The following VWA5A variants were observed in gnomAD, a reference collection of about 807,000 sequenced individuals.
VWA5A encodes the protein von Willebrand factor A domain-containing protein 5A.
In VWA5A, 77 loss-of-function variants were observed where a neutral mutation model predicts 84.6. That is an observed-to-expected ratio of 0.91 (90% CI 0.76 to 1.10). The LOEUF (loss-of-function observed/expected upper bound fraction) is 1.10. VWA5A is among the 50% of genes least tolerant of loss of function. VWA5A has a pLI of 0.00. For missense variants in VWA5A, 973 were observed against 963.0 expected, an observed-to-expected ratio of 1.01 and a Z score of -0.14; for synonymous variants, 334 against 350.1, an observed-to-expected ratio of 0.95 and a Z score of 0.51.
chr11:124,143,579 A>G (rs543914238), intron 17 of VWA5A, among the ~76,000 whole-genome samples: 22 of 152,348 alleles, frequency 1.4e-4, no homozygotes, highest in Admixed American at 3.9e-4. Flanking sequence ...AATTATTTTT[A>G]TATTGATTGC....
chr11:124,119,741 T>C (rs1375053761), intron 7 of VWA5A, among the ~76,000 whole-genome samples: 3 of 152,190 alleles, frequency 2.0e-5, no homozygotes, highest in African/African-American at 2.4e-5. Context: ...ATAGTGTATA[T>C]TGACAGATTG....
intron 15 of VWA5A, among the ~76,000 whole-genome samples, chr11:124,141,379 T>A (rs984203805): frequency 2.0e-5 from 3 of 151,780 alleles, no homozygotes; most frequent in Non-Finnish European, 4.4e-5. Context: ...GCAGGAAAAA[T>A]TGTTTAGCAT....
At chr11:124,139,258 T>TGTG (rs1167473133) in intron 15 of VWA5A, among the ~76,000 whole-genome samples, 2 of 151,480 alleles carry the variant, frequency 1.3e-5, no homozygotes, top group Non-Finnish European at 2.9e-5. Flanking sequence ...TGTGTGTGTG[T>TGTG]TTTCTCAAGG....
rs560301306 is a variant in VWA5A, at chr11:124,146,040, C to A, written c.*95C>A. The stretch of plus-strand genomic sequence containing the variant: ...GATGATGTGTTCTTGTGTATTATAA[C>A]TCTTTATTTTTTGCCATAAAAGTAA... On this transcript the variant is annotated 3_prime_UTR_variant, in exon 19 of 19. Transcript: ENST00000456829. The A allele has an allele frequency of 2.9e-5, 38 of 1,302,042 alleles. No individual in the cohort carries two copies. In the African/African-American group the frequency reaches 5.4e-4, roughly 19 times the overall value. The allele number at this position is 1,302,042 out of a possible 1,614,324, so 80.7% of individuals were successfully genotyped here. A position where few individuals can be genotyped will look rare whatever the true frequency, so the allele number is the denominator to read the frequency against.
chr11:124,143,487 A>G (rs192449392), intron 17 of VWA5A, among the ~76,000 whole-genome samples: 1 of 152,334 alleles, frequency 6.6e-6, no homozygotes, highest in Admixed American at 6.5e-5. Context: ...CTGAATTTTT[A>G]ATTCAATAGA....
intron 15 of VWA5A, among the ~76,000 whole-genome samples, chr11:124,139,654 T>G (rs552330533): frequency 6.6e-6 from 1 of 152,136 alleles, no homozygotes; most frequent in Non-Finnish European, 1.5e-5. Flanking sequence ...GTCCTTCAAC[T>G]TTGCTGAGTT....
At chr11:124,137,573 G>C (rs192239335) in intron 15 of VWA5A, among the ~76,000 whole-genome samples, 2 of 152,160 alleles carry the variant, frequency 1.3e-5, no homozygotes, top group Admixed American at 6.5e-5. Context: ...TTTTTATTGA[G>C]ATATAATTCA....
chr11:124,125,068 G>A (rs1015626029), intron 11 of VWA5A, among the ~76,000 whole-genome samples: 7 of 152,116 alleles, frequency 4.6e-5, no homozygotes, highest in African/African-American at 1.2e-4. Context: ...TTGCACACAC[G>A]TGTATATGCA....
chr11:124,140,077 G>A (rs1013178658), intron 15 of VWA5A, among the ~76,000 whole-genome samples: 10 of 151,948 alleles, frequency 6.6e-5, no homozygotes, highest in Non-Finnish European at 1.3e-4. Context: ...TTATGTTAGC[G>A]TGATCCATGT....
Position 124,137,028 on chromosome 11 carries a change from C to T in VWA5A, c.1639C>T (p.Arg547Cys), listed in dbSNP as rs767904905. 1.1e-5 allele frequency: 18 copies of T among 1,612,552 alleles called. No individual in the cohort carries two copies. The highest frequency in any genetic ancestry group is 9.9e-5 in the South Asian group (9 of 90,896). The change falls in exon 15 of 19, where the codon CGC (arginine) becomes TGC (cysteine). Residue 547 changes from arginine to cysteine, a missense_variant. Transcript: ENST00000456829. The stretch of plus-strand genomic sequence containing the variant: ...TTTTCCTTTCAGCCTCACCATTCAC[C>T]GCCTTGCTGCCAAGTCCTTGCTCCA... ...PKPDVNLTIH[R>C]LAAKSLLQTK... is the part of the protein sequence containing the mutation.
intron 4 of VWA5A, 31 bp downstream of exon 4, chr11:124,117,906 A>G (rs1047162439): frequency 3.7e-6 from 6 of 1,609,542 alleles, no homozygotes; most frequent in South Asian, 1.1e-5. Flanking sequence ...CCTTCTTATT[A>G]CATTACCTCC....
chr11:124,124,140 C>T, intron 10 of VWA5A, 97 bp from the exon 11 acceptor site: 2 of 1,156,920 alleles, frequency 1.7e-6, no homozygotes, highest in South Asian at 2.7e-5. Context: ...GGCACCAGAG[C>T]CTCTGCAATG....
chr11:124,126,845 G>A (rs1393182283), intron 11 of VWA5A, among the ~76,000 whole-genome samples: 1 of 151,826 alleles, frequency 6.6e-6, no homozygotes, highest in East Asian at 1.9e-4. Flanking sequence ...TTTCAGCTAT[G>A]TTTTTTGTCT....
intron 2 of VWA5A, among the ~76,000 whole-genome samples, chr11:124,116,881 A>T (rs1465347347): frequency 6.6e-6 from 1 of 152,232 alleles, no homozygotes; most frequent in Non-Finnish European, 1.5e-5. Context: ...GTCCCAAAAG[A>T]AAAGCCACAA....
At position 124,146,514 on chromosome 11, in the gene VWA5A, T is replaced by C. The variant is rs923045447; in HGVS notation, c.*569T>C. Reference sequence around the variant, plus strand: ...TGGGGACCTTCCTGATTCATTCTTCTTGGGCTTTGCTAGCCTGTACAACCT... The same window carrying C: ...TGGGGACCTTCCTGATTCATTCTTCCTGGGCTTTGCTAGCCTGTACAACCT... On this transcript the variant is annotated 3_prime_UTR_variant, in exon 19 of 19. Transcript: ENST00000456829. 6.5e-6 allele frequency: 1 copy of C among 152,800 alleles called. No individual in the cohort carries two copies. The highest frequency in any genetic ancestry group is 2.4e-5 in the African/African-American group (1 of 41,468). The allele number at this position is 152,800 out of a possible 1,614,324, so 9.5% of individuals were successfully genotyped here.
In VWA5A at chr11:124,136,996, T is replaced by C; in HGVS notation, c.1626-19T>C. 2 of 1,308,290 alleles carry C rather than the reference T, an allele frequency of 1.5e-6. No individual in the cohort carries two copies. The highest frequency in any genetic ancestry group is 2.1e-6 in the Non-Finnish European group (2 of 957,170). 81.0% of individuals were successfully genotyped at this position (1,308,290 alleles called of 1,614,324 possible). A position where few individuals can be genotyped will look rare whatever the true frequency, so the allele number is the denominator to read the frequency against. The stretch of plus-strand genomic sequence containing the variant: ...ATGTCTTTCCCTACATTTCAGTACT[T>C]TTTTTTTTTTCCTTTCAGCCTCACC... On this transcript the variant is annotated intron_variant, in intron 14 of 18. Coordinates refer to ENST00000456829, the MANE Select transcript of VWA5A (RefSeq NM_001130142.2).
At position 124,145,315 on chromosome 11, in the gene VWA5A, T is replaced by A. The variant is rs1435905420; in HGVS notation, c.2233T>A (p.Trp745Arg). Residue 745 changes from tryptophan to arginine, a missense_variant, in exon 18 of 19, where the codon TGG becomes AGG. Transcript: ENST00000456829. ...CAATGGTAAGGACTTGAAGTGTGAA[T>A]GGGAGCTTCTGGAAAGGAAGGCCGT... ...HSNGKDLKCE[W>R]ELLERKAVAW... 1 of 1,613,762 alleles carries A rather than the reference T, an allele frequency of 6.2e-7. No individual in the cohort carries two copies. The highest frequency in any genetic ancestry group is 1.7e-5 in the Admixed American group (1 of 59,978).
chr11:124,120,267 G>T (rs1239525333), intron 7 of VWA5A, among the ~76,000 whole-genome samples: 1 of 151,922 alleles, frequency 6.6e-6, no homozygotes, highest in Non-Finnish European at 1.5e-5. Flanking sequence ...ATTTAAATTG[G>T]TGTAACCCAT....
Position 124,118,216 on chromosome 11 carries a change from T to G in VWA5A, c.274T>G (p.Ser92Ala). 6.2e-7 allele frequency: 1 copy of G among 1,614,084 alleles called. No individual in the cohort carries two copies. Among genetic ancestry groups the G allele is most frequent in the Non-Finnish European group, 8.5e-7 (1 of 1,180,004 alleles). Residue 92 changes from serine to alanine, a missense_variant, in exon 5 of 19, where the codon TCC (serine) becomes GCC (alanine). Physicochemically the swap from Ser to Ala is moderately conservative, Grantham distance 99. Transcript: ENST00000456829. ...KARTNYEKAI[S>A]QGHQAFLLEG... ...CCGCACCAACTATGAGAAAGCCATC[T>G]CCCAGGGCCACCAGGCCTTCTTATT...
Sources: allele counts gnomAD v4.1 joint callset (sites outside exome capture counted in the v4.1 genomes callset), GRCh38; gene constraint gnomAD v4.1.1; transcripts MANE v1.5; gene names NCBI Gene and HGNC (gene_info 2026-07-23, HGNC 2026-07-21).